The following KIAA0825 variants were observed in gnomAD, a reference collection of about 807,000 sequenced individuals.
KIAA0825 encodes the protein uncharacterized protein KIAA0825.
A neutral mutation model predicts 147.6 loss-of-function variants in KIAA0825; 119 were observed. That is an observed-to-expected ratio of 0.81 (90% CI 0.69 to 0.94). The LOEUF is 0.94. Ranked by LOEUF, KIAA0825 falls within the 40% of genes least tolerant of loss-of-function variation. KIAA0825 has a pLI of 0.00. For synonymous variants in KIAA0825, 470 were observed against 518.1 expected (o/e 0.91, Z 1.26); for missense variants, 1,381 against 1,472.7 (o/e 0.94, Z 1.02).
intron 2 of KIAA0825, among the ~76,000 whole-genome samples, chr5:94,575,211 G>T (rs1780774393): frequency 1.3e-5 from 2 of 152,090 alleles, no homozygotes; most frequent in African/African-American, 4.8e-5. Context: ...TACTAAGGCA[G>T]CACACGACTA....
At chr5:94,427,225 T>G (rs1755009732) in intron 14 of KIAA0825, among the ~76,000 whole-genome samples, 1 of 152,172 alleles carries the variant, frequency 6.6e-6, no homozygotes. Flanking sequence ...TGTCAATCTC[T>G]ACTAGTCACA....
intron 20 of KIAA0825, among the ~76,000 whole-genome samples, chr5:94,271,384 C>G (rs1776975763): frequency 6.6e-6 from 1 of 151,952 alleles, no homozygotes; most frequent in Admixed American, 6.6e-5. Flanking sequence ...AGGGATTAAC[C>G]AGAATATATA....
chr5:94,486,407 G>A (rs1227667312), intron 5 of KIAA0825, among the ~76,000 whole-genome samples: 3 of 152,026 alleles, frequency 2.0e-5, no homozygotes. Flanking sequence ...ACTTTAAAAT[G>A]TTAGCATCAA....
chr5:94,263,774 A>G (rs2150134852), intron 20 of KIAA0825, among the ~76,000 whole-genome samples: 1 of 152,142 alleles, frequency 6.6e-6, no homozygotes, highest in South Asian at 2.1e-4. Context: ...AGTCCTCAGC[A>G]TCTCCAGCTT....
chr5:94,441,628 T>C (rs1037524724), intron 13 of KIAA0825, among the ~76,000 whole-genome samples: 4 of 152,164 alleles, frequency 2.6e-5, no homozygotes, highest in Non-Finnish European at 5.9e-5. Flanking sequence ...GCCTGACCTC[T>C]TTCTGCATGA....
chr5:94,594,237 C>T (rs1784861230), intron 1 of KIAA0825: 5 of 604,316 alleles, frequency 8.3e-6, no homozygotes, highest in Admixed American at 3.7e-5. Flanking sequence ...CCAGTTTTGT[C>T]TTATGGAACT....
intron 20 of KIAA0825, among the ~76,000 whole-genome samples, chr5:94,310,370 T>C (rs1779050928): frequency 1.3e-5 from 2 of 151,720 alleles, no homozygotes; most frequent in Non-Finnish European, 3.0e-5. Context: ...CTTCAAGATA[T>C]AGACTAAATG....
intron 20 of KIAA0825, among the ~76,000 whole-genome samples, chr5:94,178,816 C>G (rs1387858094): frequency 6.6e-6 from 1 of 151,920 alleles, no homozygotes; most frequent in African/African-American, 2.4e-5. Flanking sequence ...AGCTATGTAC[C>G]TAAAAGAAAT....
At chr5:94,489,621 C>G (rs1304134318) in intron 5 of KIAA0825, among the ~76,000 whole-genome samples, 1 of 150,262 alleles carries the variant, frequency 6.7e-6, no homozygotes, top group Non-Finnish European at 1.5e-5. Context: ...CATGGTGGCT[C>G]ACACCTGTAA....
At chr5:94,453,387 ATGT>A (rs1758680202) in intron 12 of KIAA0825, among the ~76,000 whole-genome samples, 1 of 143,286 alleles carries the variant, frequency 7.0e-6, no homozygotes, top group Non-Finnish European at 1.5e-5. Flanking sequence ...GGGTTTCAAC[ATGT>A]TGTCCAGGCT....
intron 5 of KIAA0825, among the ~76,000 whole-genome samples, chr5:94,495,986 T>C (rs564777382): frequency 3.9e-5 from 6 of 152,304 alleles, no homozygotes; most frequent in African/African-American, 1.4e-4. Context: ...AAAATTCACT[T>C]AGATTGCATT....
chr5:94,253,168 CTTTA>C (rs1776058478), intron 20 of KIAA0825, among the ~76,000 whole-genome samples: 1 of 152,066 alleles, frequency 6.6e-6, no homozygotes, highest in Non-Finnish European at 1.5e-5. Flanking sequence ...AGATATATAA[CTTTA>C]TTCATTATTG....
chr5:94,453,043 G>A lies in KIAA0825; in HGVS notation c.2273C>T (p.Ser758Phe). The A allele has an allele frequency of 6.6e-7, 1 of 1,524,358 alleles. No individual in the cohort carries two copies. Among genetic ancestry groups the A allele is most frequent in the Non-Finnish European group, 8.8e-7 (1 of 1,136,810 alleles). 94.4% of individuals were successfully genotyped at this position (1,524,358 alleles called of 1,614,324 possible). A position where few individuals can be genotyped will look rare whatever the true frequency, so the allele number is the denominator to read the frequency against. ...YKTFQHGLDESASDSLKSFFK... is the reference protein window; with the variant it reads ...YKTFQHGLDEFASDSLKSFFK... ...AAATGATTTTAAGGAATCTGAAGCA[G>A]ACTCATCCAGGCCATGCTGAAAAGT... is the stretch of plus-strand genomic sequence containing the variant. Residue 758 changes from serine (S) to phenylalanine (F), a missense_variant, in exon 13 of 21, where the codon TCT becomes TTT. By Grantham distance (155) the Ser-to-Phe change is radical. Coordinates refer to ENST00000682413, the MANE Select transcript of KIAA0825 (RefSeq NM_001145678.3).
At chr5:94,572,629 C>T (rs375436778) in intron 2 of KIAA0825, among the ~76,000 whole-genome samples, 1 of 152,056 alleles carries the variant, frequency 6.6e-6, no homozygotes, top group South Asian at 2.1e-4. Context: ...GGAAAGATTT[C>T]CAGAATATTA....
At position 94,264,765 on chromosome 5, in the gene KIAA0825, C is replaced by A. The variant is rs1164905856; in HGVS notation, c.3711-110641G>T. ...TCTACATGGTTTATATGACATGTTT[C>A]ATTACACATACATACACATACTTTT... On this transcript the variant is annotated intron_variant, in intron 20 of 20. Coordinates refer to ENST00000682413, the MANE Select transcript of KIAA0825 (RefSeq NM_001145678.3). Among the ~76,000 whole-genome samples, 3 of 151,418 alleles carry A rather than the reference C, an allele frequency of 2.0e-5. No individual in the cohort carries two copies. In the East Asian group the frequency reaches 5.8e-4, roughly 29 times the overall value.
At chr5:94,226,912 G>C (rs1774222893) in intron 20 of KIAA0825, among the ~76,000 whole-genome samples, 2 of 152,164 alleles carry the variant, frequency 1.3e-5, no homozygotes, top group African/African-American at 4.8e-5. Context: ...TGCTGGAGAG[G>C]AGGTGGAGGA....
chr5:94,573,170 T>C lies in KIAA0825; in HGVS notation c.-2+9263A>G, dbSNP rs1780298190. Among the ~76,000 whole-genome samples, 3 of 151,970 alleles carry C rather than the reference T, an allele frequency of 2.0e-5. No individual in the cohort carries two copies. The South Asian group carries it at 6.2e-4, about 32-fold the overall frequency. Reference sequence around the variant, plus strand: ...GTTATAGGTAAATTTACACATTTTCTGGTGACAATTGGTTGAGTTTGTCTA... The same window carrying C: ...GTTATAGGTAAATTTACACATTTTCCGGTGACAATTGGTTGAGTTTGTCTA... On this transcript the variant is annotated intron_variant, in intron 2 of 20. Coordinates refer to ENST00000682413, the MANE Select transcript of KIAA0825 (RefSeq NM_001145678.3).
intron 20 of KIAA0825, among the ~76,000 whole-genome samples, chr5:94,180,434 G>A (rs1769507453): frequency 6.6e-6 from 1 of 152,036 alleles, no homozygotes; most frequent in Non-Finnish European, 1.5e-5. Context: ...GAAAACAAAA[G>A]GATGATAATA....
intron 16 of KIAA0825, among the ~76,000 whole-genome samples, chr5:94,397,774 G>C (rs948034720): frequency 1.3e-5 from 2 of 152,052 alleles, no homozygotes; most frequent in African/African-American, 4.8e-5. Context: ...AACTGTGTCT[G>C]GTTGAGAACC....
Sources: gnomAD v4.1 joint callset for allele counts (sites outside exome capture counted in the v4.1 genomes callset) on GRCh38, gnomAD v4.1.1 for gene constraint, MANE v1.5 for transcripts, NCBI Gene and HGNC (gene_info 2026-07-23, HGNC 2026-07-21) for gene names.